Variants in MAP2 observed in about 807,000 individuals in gnomAD.
The protein encoded by MAP2 is microtubule-associated protein 2.
Under a neutral mutation model 137.6 loss-of-function variants are expected in MAP2, and 14 were observed. The ratio of observed to expected loss-of-function variants is 0.10; its 90% CI spans 0.07 to 0.16. MAP2 has a LOEUF of 0.16. Ranked by LOEUF, MAP2 falls within the 10% of genes least tolerant of loss-of-function variation. The probability of loss-of-function intolerance (pLI) is 1.00; values close to 1 mark genes in which losing one functional copy is unlikely to be tolerated. For missense variants in MAP2, 2,088 were observed against 2,191.5 expected (o/e 0.95, Z 0.94); for synonymous variants, 786 against 782.3 (o/e 1.00, Z -0.08).
At chr2:209,661,629 C>T in intron 5 of MAP2, 1 of 985,416 alleles carries the variant, frequency 1.0e-6, no homozygotes, top group Non-Finnish European at 1.2e-6. Context: ...GCATCCGGGG[C>T]TAGAAAGAGT....
chr2:209,710,237 C>A lies in MAP2; in HGVS notation c.5056C>A (p.Gln1686Lys), dbSNP rs1224847509. The change falls in exon 13 of 16, where the codon CAG becomes AAG. Residue 1686 changes from glutamine to lysine, a missense_variant. By Grantham distance (53) the Gln-to-Lys change is moderately conservative (BLOSUM62 1). Coordinates refer to ENST00000682079, the MANE Select transcript of MAP2 (RefSeq NM_001375505.1). ...CGGATCAACAGACAACATCAAATAC[C>A]AGCCTAAAGGGGGGCAGGTAAGAAT... is the stretch of plus-strand genomic sequence containing the variant. ...KIGSTDNIKY[Q>K]PKGGQVQIVT... is the part of the protein sequence containing the mutation. 6.3e-7 allele frequency: 1 copy of A among 1,579,750 alleles called. No individual in the cohort carries two copies. The highest frequency in any genetic ancestry group is 1.4e-5 in the African/African-American group (1 of 73,964).
chr2:209,603,454 T>G (rs562107259), intron 3 of MAP2, among the ~76,000 whole-genome samples: 1 of 152,226 alleles, frequency 6.6e-6, no homozygotes, highest in African/African-American at 2.4e-5. Flanking sequence ...TAACAGATTG[T>G]GCATGAACAA....
intron 5 of MAP2, among the ~76,000 whole-genome samples, chr2:209,672,953 C>A (rs746122101): frequency 1.3e-5 from 2 of 151,726 alleles, no homozygotes; most frequent in African/African-American, 2.4e-5. Flanking sequence ...GTGTTTCCAC[C>A]AATATATTTC....
At position 209,601,787 on chromosome 2, in the gene MAP2, G is replaced by A. The variant is rs1425198276; in HGVS notation, c.-107+21687G>A. Among the ~76,000 whole-genome samples, 5 of 152,076 alleles carry A rather than the reference G, an allele frequency of 3.3e-5. No individual in the cohort carries two copies. The East Asian group carries it at 9.6e-4, about 29-fold the overall frequency. On this transcript the variant is annotated intron_variant, in intron 3 of 15. Coordinates refer to ENST00000682079, the MANE Select transcript of MAP2 (RefSeq NM_001375505.1). ...ATATGCGACATACAGATAGGATAAA[G>A]GATATTCAGCATTCTAATCTCCCTT...
At chr2:209,489,217 ACT>A (rs763924782) in intron 1 of MAP2, among the ~76,000 whole-genome samples, 7 of 152,232 alleles carry the variant, frequency 4.6e-5, no homozygotes, top group Non-Finnish European at 5.9e-5. Context: ...CAGAAGGAAA[ACT>A]AACAAACAGA....
At chr2:209,626,288 A>G (rs2092310012) in intron 4 of MAP2, among the ~76,000 whole-genome samples, 1 of 152,002 alleles carries the variant, frequency 6.6e-6, no homozygotes, top group Admixed American at 6.6e-5. Flanking sequence ...GGTGGTGGGC[A>G]CCTGTAATCC....
rs1231713046 is a variant in MAP2, at chr2:209,730,607, G to C, written c.*210G>C. ...TTCCATTTGCAACAGGAAGACACTG[G>C]CTTTACATGGGTTCAATTGGACAAT... On this transcript the variant is annotated 3_prime_UTR_variant, in exon 16 of 16. Coordinates refer to ENST00000682079, the MANE Select transcript of MAP2 (RefSeq NM_001375505.1). 2 of 553,598 alleles carry C rather than the reference G, an allele frequency of 3.6e-6. No homozygotes were observed. Among genetic ancestry groups the C allele is most frequent in the Non-Finnish European group, 3.2e-6 (1 of 310,254 alleles). 34.3% of individuals were successfully genotyped at this position (553,598 alleles called of 1,614,324 possible).
chr2:209,567,611 C>T (rs1364251386), intron 2 of MAP2, among the ~76,000 whole-genome samples: 3 of 151,646 alleles, frequency 2.0e-5, no homozygotes, highest in East Asian at 1.9e-4. Flanking sequence ...AATTGAGTTC[C>T]GTTTTACAGA....
chr2:209,654,878 A>G (rs915215364), intron 5 of MAP2, among the ~76,000 whole-genome samples: 1 of 152,232 alleles, frequency 6.6e-6, no homozygotes, highest in African/African-American at 2.4e-5. Context: ...ATTCAAAAAG[A>G]AGAAAGTCCT....
chr2:209,685,702 T>C (rs114896635), intron 7 of MAP2, among the ~76,000 whole-genome samples: 1,739 of 152,320 alleles, frequency 0.011, 30 homozygotes, highest in African/African-American at 0.04. Context: ...TGTTGTTTCC[T>C]GATTAGAGTG....
chr2:209,617,737 T>C (rs1174519348), intron 3 of MAP2, among the ~76,000 whole-genome samples: 1 of 151,822 alleles, frequency 6.6e-6, no homozygotes, highest in Non-Finnish European at 1.5e-5. Flanking sequence ...TATCTCCAAA[T>C]GTAATCACGT....
intron 3 of MAP2, among the ~76,000 whole-genome samples, chr2:209,582,398 A>G (rs2076630126): frequency 6.6e-6 from 1 of 152,144 alleles, no homozygotes; most frequent in Admixed American, 6.6e-5. Flanking sequence ...AATTCTTGAA[A>G]TGTCCCCTTT....
intron 2 of MAP2, among the ~76,000 whole-genome samples, chr2:209,532,658 C>T (rs1324414910): frequency 6.6e-6 from 1 of 152,138 alleles, no homozygotes; most frequent in South Asian, 2.1e-4. Context: ...TTCGATGACC[C>T]TGCCTTTAGT....
Position 209,693,533 on chromosome 2 carries a change from G to A in MAP2, c.1363G>A (p.Ala455Thr). 6.2e-7 allele frequency: 1 copy of A among 1,611,006 alleles called. No individual in the cohort carries two copies. The highest frequency in any genetic ancestry group is 1.1e-5 in the South Asian group (1 of 90,270). The change falls in exon 8 of 16, where the codon GCT becomes ACT. Residue 455 changes from alanine to threonine, a missense_variant. By Grantham distance (58) the Ala-to-Thr change is moderately conservative (BLOSUM62 0). Around this residue, in one of 6 missense-constraint regions of MAP2, gnomAD observed 859 missense variants for 794.5 expected, o/e 1.08. Coordinates refer to ENST00000682079, the MANE Select transcript of MAP2 (RefSeq NM_001375505.1). ...AAAAACCACCATTTCTGACAAAGAA[G>A]CTGTGCCAAAAGAGAGTAAACCCCC... ...EEKTTISDKEAVPKESKPPKP... is the reference protein window; with the variant it reads ...EEKTTISDKETVPKESKPPKP...
At chr2:209,533,916 A>G (rs891534498) in intron 2 of MAP2, among the ~76,000 whole-genome samples, 3 of 152,186 alleles carry the variant, frequency 2.0e-5, no homozygotes, top group Non-Finnish European at 4.4e-5. Flanking sequence ...CATGAATTTT[A>G]TTAACACAAG....
In MAP2 at chr2:209,725,763, T is replaced by C; in HGVS notation, c.5128T>C (p.Ser1710Pro). 6.2e-7 allele frequency: 1 copy of C among 1,605,040 alleles called. No individual in the cohort carries two copies. Among genetic ancestry groups the C allele is most frequent in the Non-Finnish European group, 8.5e-7 (1 of 1,176,078 alleles). ...AAGCCATGTGACATCCAAATGTGGC[T>C]CTCTGAAGAACATCCGCCACAGGCC... Reference protein sequence around the residue: ...DLSHVTSKCGSLKNIRHRPGG... With the variant: ...DLSHVTSKCGPLKNIRHRPGG... The change falls in exon 14 of 16, where the codon TCT becomes CCT. Residue 1710 changes from serine to proline, a missense_variant. Physicochemically the swap from Ser to Pro is moderately conservative, Grantham distance 74. Around this residue, in one of 6 missense-constraint regions of MAP2, gnomAD observed 112 missense variants for 201.0 expected, o/e 0.56. Coordinates refer to ENST00000682079, the MANE Select transcript of MAP2 (RefSeq NM_001375505.1).
rs892361484 is a variant in MAP2 at position 209,696,213 on chromosome 2, C to T, written c.4043C>T (p.Pro1348Leu). The change falls in exon 8 of 16, where the codon CCA becomes CTA. Residue 1348 changes from proline to leucine, a missense_variant. This residue lies in a region of MAP2 where 591 missense variants were observed against 642.6 expected (regional missense o/e 0.92). Transcript: ENST00000682079. ...EAQAEPKDGS[P>L]EAPASPEREE... is the part of the protein sequence containing the mutation. Reference sequence around the variant, plus strand: ...CAGGCAGAACCCAAAGATGGTTCCCCAGAGGCTCCAGCTTCCCCTGAGAGA... The same window carrying T: ...CAGGCAGAACCCAAAGATGGTTCCCTAGAGGCTCCAGCTTCCCCTGAGAGA... 19 of 1,613,652 alleles carry T rather than the reference C, an allele frequency of 1.2e-5. No homozygotes were observed. Among genetic ancestry groups the T allele is most frequent in the Non-Finnish European group, 8.5e-7 (1 of 1,179,926 alleles).
intron 1 of MAP2, among the ~76,000 whole-genome samples, chr2:209,431,903 C>T (rs1443983370): frequency 6.6e-6 from 1 of 152,112 alleles, no homozygotes; most frequent in Non-Finnish European, 1.5e-5. Context: ...AGCACTGAGA[C>T]TAAATCTGAT....
At chr2:209,518,775 T>C (rs1266676396) in intron 2 of MAP2, among the ~76,000 whole-genome samples, 3 of 152,048 alleles carry the variant, frequency 2.0e-5, no homozygotes, top group Admixed American at 2.0e-4. Flanking sequence ...AAGTCTGTTT[T>C]TGTCGTAGGT....
Sources: allele counts gnomAD v4.1 joint callset (sites outside exome capture counted in the v4.1 genomes callset), GRCh38; gene constraint gnomAD v4.1.1; regional missense constraint gnomAD v4.1.1; transcripts MANE v1.5; gene names NCBI Gene and HGNC (gene_info 2026-07-23, HGNC 2026-07-21).